NBEA: variants seen among roughly 807,000 people sequenced by gnomAD.
NBEA encodes neurobeachin.
In NBEA, 44 loss-of-function variants were observed where a neutral mutation model predicts 343.4. The observed-to-expected ratio is 0.13, with a 90% confidence interval of 0.10 to 0.16. NBEA has a LOEUF of 0.16. Ranked by LOEUF, NBEA falls within the 10% of genes least tolerant of loss-of-function variation. The pLI, the probability that NBEA is intolerant of heterozygous loss-of-function variation, is 1.00. For synonymous variants in NBEA, 1,175 were observed against 1,238.7 expected, an observed-to-expected ratio of 0.95 and a Z score of 1.08; for missense variants, 2,555 against 3,631.3, an observed-to-expected ratio of 0.70 and a Z score of 7.62.
At position 35,140,201 on chromosome 13, in the gene NBEA, A is replaced by T. The variant is rs2068012595; in HGVS notation, c.2337-2068A>T. 4.0e-5 allele frequency among the ~76,000 whole-genome samples: 6 copies of T among 150,348 alleles called. No individual in the cohort carries two copies. The South Asian group carries it at 1.3e-3, about 32-fold the overall frequency. ...AATTTTTTTTTTTTTTTAAGTAGAG[A>T]TGAAGTCTTGCTGTGTTGCCCAGGC... On this transcript the variant is annotated intron_variant, in intron 17 of 58. Transcript: ENST00000379939.
chr13:35,137,247 G>A (rs980502061), intron 17 of NBEA, among the ~76,000 whole-genome samples: 9 of 152,030 alleles, frequency 5.9e-5, no homozygotes, highest in African/African-American at 2.2e-4. Flanking sequence ...TCAGGAGATC[G>A]AGACCATCCT....
chr13:35,185,495 A>G (rs933891555), intron 30 of NBEA: 2 of 152,182 alleles, frequency 1.3e-5, no homozygotes, highest in African/African-American at 4.8e-5. Flanking sequence ...CTGCTGGCTG[A>G]CAAACACATC....
At chr13:35,470,927 C>T (rs1031045218) in intron 40 of NBEA, among the ~76,000 whole-genome samples, 4 of 152,228 alleles carry the variant, frequency 2.6e-5, no homozygotes, top group Non-Finnish European at 5.9e-5. Flanking sequence ...GATCGACTGC[C>T]TCTCCCTTTC....
chr13:35,126,029 T>C (rs917895914), intron 17 of NBEA, among the ~76,000 whole-genome samples: 1 of 152,162 alleles, frequency 6.6e-6, no homozygotes, highest in African/African-American at 2.4e-5. Flanking sequence ...CATAGTGATA[T>C]GGTTTGGTTG....
At chr13:35,577,312 C>T (rs2153033839) in intron 45 of NBEA, among the ~76,000 whole-genome samples, 1 of 152,126 alleles carries the variant, frequency 6.6e-6, no homozygotes, top group African/African-American at 2.4e-5. Flanking sequence ...CTCACCTGCA[C>T]CAGGTAGACC....
chr13:35,356,366 C>G (rs1200684338), intron 38 of NBEA, among the ~76,000 whole-genome samples: 1 of 152,078 alleles, frequency 6.6e-6, no homozygotes, highest in Non-Finnish European at 1.5e-5. Context: ...ATTTCAACAG[C>G]AAAAGTTGCT....
chr13:35,025,137 T>C (rs2061974919), intron 1 of NBEA, among the ~76,000 whole-genome samples: 1 of 152,218 alleles, frequency 6.6e-6, no homozygotes. Flanking sequence ...CTGCTTATTT[T>C]GTTGATAGTT....
chr13:35,278,808 A>G (rs2034828990), intron 34 of NBEA, among the ~76,000 whole-genome samples: 1 of 152,108 alleles, frequency 6.6e-6, no homozygotes, highest in Admixed American at 6.6e-5. Flanking sequence ...AAACATGAAT[A>G]CTTCGGGCTT....
At chr13:34,973,946 G>A (rs2060082373) in intron 1 of NBEA, among the ~76,000 whole-genome samples, 1 of 152,200 alleles carries the variant, frequency 6.6e-6, no homozygotes. Flanking sequence ...TGTCTGAGTG[G>A]CTGCTCTGCT....
intron 45 of NBEA, among the ~76,000 whole-genome samples, chr13:35,569,272 G>A (rs1470147052): frequency 6.6e-6 from 1 of 152,148 alleles, no homozygotes; most frequent in Non-Finnish European, 1.5e-5. Context: ...TTATTGATGT[G>A]AGGATGAAAA....
chr13:35,237,221 C>G (rs1004749030), intron 34 of NBEA, among the ~76,000 whole-genome samples: 1 of 152,066 alleles, frequency 6.6e-6, no homozygotes, highest in Non-Finnish European at 1.5e-5. Context: ...TACCACTGCA[C>G]TCCAGCCTGG....
intron 39 of NBEA, among the ~76,000 whole-genome samples, chr13:35,435,025 G>T (rs2045345995): frequency 6.6e-6 from 1 of 152,016 alleles, no homozygotes; most frequent in Admixed American, 6.5e-5. Flanking sequence ...TTGTTTGTTT[G>T]TTTTTGTTTG....
At chr13:34,974,564 A>G (rs2060104138) in intron 1 of NBEA, among the ~76,000 whole-genome samples, 1 of 152,230 alleles carries the variant, frequency 6.6e-6, no homozygotes, top group South Asian at 2.1e-4. Context: ...GTTTGTTACT[A>G]TCCTGTTGCT....
At position 35,367,555 on chromosome 13, in the gene NBEA, T is replaced by TTG. The variant is rs1491276411; in HGVS notation, c.6179+15233_6179+15234insGT. On this transcript the variant is annotated intron_variant, in intron 38 of 58. Transcript: ENST00000379939. ...ATACTGTTAGAAGCTGTTGTTGTTG[T>TTG]TTTTTTTTTTTCCAACTGGTGTTCT... Among the ~76,000 whole-genome samples, 4 of 59,762 alleles carry TTG rather than the reference T, an allele frequency of 6.7e-5. No individual in the cohort carries two copies. The African/African-American group carries it at 7.9e-4, about 12-fold the overall frequency. 39.2% of individuals were successfully genotyped at this position (59,762 alleles called of 152,430 possible). A position where few individuals can be genotyped will look rare whatever the true frequency, so the allele number is the denominator to read the frequency against.
intron 30 of NBEA, among the ~76,000 whole-genome samples, chr13:35,184,385 T>C (rs1425595949): frequency 6.6e-6 from 1 of 152,004 alleles, no homozygotes; most frequent in Non-Finnish European, 1.5e-5. Context: ...GAGCCTAATA[T>C]AAAGGCTACT....
At chr13:35,064,817 C>A (rs1315933722) in intron 8 of NBEA, among the ~76,000 whole-genome samples, 1 of 151,768 alleles carries the variant, frequency 6.6e-6, no homozygotes, top group Non-Finnish European at 1.5e-5. Flanking sequence ...GGTGGTTAGA[C>A]TGTCTTCAAA....
intron 4 of NBEA, 147 bp downstream of exon 4, chr13:35,045,548 T>G: frequency 1.7e-6 from 1 of 602,034 alleles, no homozygotes; most frequent in Non-Finnish European, 2.7e-6. Flanking sequence ...TATATAATGA[T>G]TTGAACAATT....
intron 48 of NBEA, among the ~76,000 whole-genome samples, chr13:35,624,757 A>G (rs562160513): frequency 3.5e-4 from 53 of 152,020 alleles, no homozygotes; most frequent in Non-Finnish European, 6.6e-4. Context: ...ATATAAAGAT[A>G]AAATAAATTA....
chr13:35,321,093 G>A (rs1426052412), intron 36 of NBEA, among the ~76,000 whole-genome samples: 1 of 151,990 alleles, frequency 6.6e-6, no homozygotes, highest in Non-Finnish European at 1.5e-5. Flanking sequence ...GCCTGCTTCT[G>A]TCAATTTGTC....
Sources: allele counts gnomAD v4.1 joint callset (sites outside exome capture counted in the v4.1 genomes callset), GRCh38; gene constraint gnomAD v4.1.1; transcripts MANE v1.5; gene names NCBI Gene and HGNC (gene_info 2026-07-23, HGNC 2026-07-21).